DCP1A: variants seen among roughly 807,000 people sequenced by gnomAD.
DCP1A encodes decapping mRNA 1A.
DCP1A carries 20 observed loss-of-function variants against 58.0 expected under a neutral mutation model. The observed-to-expected ratio is 0.34, with a 90% CI of 0.24 to 0.50. The LOEUF (loss-of-function observed/expected upper bound fraction) is 0.50. Ranked by LOEUF, DCP1A falls within the 20% of genes least tolerant of loss-of-function variation. The probability of loss-of-function intolerance (pLI) is 0.98; values close to 1 mark genes in which losing one functional copy is unlikely to be tolerated. For synonymous variants in DCP1A, 285 were observed against 275.1 expected (o/e 1.04, Z -0.36); for missense variants, 613 against 712.2 (o/e 0.86, Z 1.59).
rs141983368 is a variant in DCP1A, at chr3:53,310,223, AGTTT to A, written c.510+2014_510+2017del. ...ATATTTTATTCCATAGTGTGAAAGAAGTTTATTTAAAACAGAAACTATCATGCTA... is the reference window on the plus strand; with the variant it reads ...ATATTTTATTCCATAGTGTGAAAGAAATTTAAAACAGAAACTATCATGCTA... On this transcript the variant is annotated intron_variant, in intron 5 of 9. Transcript: ENST00000610213. 9.5e-3 allele frequency among the ~76,000 whole-genome samples: 1,452 copies of A among 152,346 alleles called. 25 individuals carry two copies. Among genetic ancestry groups the A allele is most frequent in the African/African-American group, 0.033 (1,388 of 41,584 alleles).
At chr3:53,306,302 T>C (rs1234248188) in intron 5 of DCP1A, among the ~76,000 whole-genome samples, 3 of 152,240 alleles carry the variant, frequency 2.0e-5, no homozygotes, top group African/African-American at 7.2e-5. Flanking sequence ...TGCCTCTGTT[T>C]GCAACATCAC....
chr3:53,324,639 A>T (rs1273658583), intron 3 of DCP1A, among the ~76,000 whole-genome samples: 1 of 152,242 alleles, frequency 6.6e-6, no homozygotes, highest in African/African-American at 2.4e-5. Context: ...TCAAGATGAA[A>T]GAAACTACTT....
intron 3 of DCP1A, among the ~76,000 whole-genome samples, chr3:53,336,949 C>A (rs1443411556): frequency 6.6e-6 from 1 of 152,022 alleles, no homozygotes; most frequent in Non-Finnish European, 1.5e-5. Context: ...AGGCTCACTG[C>A]AACCTTCACT....
chr3:53,345,532 C>A (rs1480723025), intron 1 of DCP1A, among the ~76,000 whole-genome samples: 4 of 152,038 alleles, frequency 2.6e-5, no homozygotes, highest in African/African-American at 9.7e-5. Flanking sequence ...GAGGCCTTTA[C>A]CATAGTTCAT....
Position 53,290,702 on chromosome 3 carries a change from C to T in DCP1A, c.1449+89G>A, listed in dbSNP as rs1397862733. On this transcript the variant is annotated intron_variant, in intron 8 of 9. Coordinates refer to ENST00000610213, the MANE Select transcript of DCP1A (RefSeq NM_018403.7). ...TTCACAGCCAGTTACAGACCAAATT[C>T]CTTGTTCTACTCTTTCTACTTTCTC... 8 of 1,077,726 alleles carry T rather than the reference C, an allele frequency of 7.4e-6. No homozygotes were observed. The East Asian group carries it at 1.4e-4, about 19-fold the overall frequency. The allele number at this position is 1,077,726 out of a possible 1,614,324, so 66.8% of individuals were successfully genotyped here.
intron 2 of DCP1A, 49 bp from the exon 3 acceptor site, chr3:53,342,320 T>C (rs1553692625): frequency 2.2e-6 from 3 of 1,338,608 alleles, no homozygotes; most frequent in South Asian, 1.3e-5. Context: ...ATTTAATCTG[T>C]AGAAATGTTA....
At chr3:53,291,440 T>C (rs1347048086) in intron 7 of DCP1A, among the ~76,000 whole-genome samples, 1 of 152,028 alleles carries the variant, frequency 6.6e-6, no homozygotes, top group Non-Finnish European at 1.5e-5. Flanking sequence ...ATTTTTTTTT[T>C]TTTGTATGCA....
chr3:53,336,456 G>A (rs879952531), intron 3 of DCP1A, among the ~76,000 whole-genome samples: 5 of 152,052 alleles, frequency 3.3e-5, no homozygotes, highest in African/African-American at 1.2e-4. Context: ...TTTATAATCT[G>A]TATCTGGTAT....
At chr3:53,304,537 G>T (rs968191633) in intron 5 of DCP1A, among the ~76,000 whole-genome samples, 1 of 152,072 alleles carries the variant, frequency 6.6e-6, no homozygotes, top group South Asian at 2.1e-4. Flanking sequence ...TTAAGAAAAA[G>T]ATAATGGTAT....
chr3:53,322,367 T>G (rs1242128176), intron 3 of DCP1A, among the ~76,000 whole-genome samples: 6 of 151,660 alleles, frequency 4.0e-5, no homozygotes, highest in African/African-American at 1.2e-4. Flanking sequence ...CAGGAGACTC[T>G]CTTGAACTGG....
intron 1 of DCP1A, 30 bp downstream of exon 1, chr3:53,347,353 T>TGGCCGTCCTCAGGGCCAGGC (rs1553693260): frequency 5.9e-6 from 9 of 1,524,336 alleles, no homozygotes; most frequent in Non-Finnish European, 7.9e-6. Flanking sequence ...AGCGGCCGGG[T>TGGCCGTCCTCAGGGCCAGGC]GGCCGTCCTC....
intron 5 of DCP1A, among the ~76,000 whole-genome samples, chr3:53,309,499 C>T (rs1448891620): frequency 6.6e-6 from 1 of 152,168 alleles, no homozygotes; most frequent in Non-Finnish European, 1.5e-5. Flanking sequence ...GTGTCTCACA[C>T]CTATAATTCC....
At chr3:53,344,460 G>A (rs2089266521) in intron 2 of DCP1A, among the ~76,000 whole-genome samples, 1 of 152,176 alleles carries the variant, frequency 6.6e-6, no homozygotes, top group Non-Finnish European at 1.5e-5. Context: ...CAGAACTTCT[G>A]TGGGTTGGGA....
intron 6 of DCP1A, among the ~76,000 whole-genome samples, chr3:53,297,436 C>T (rs890401682): frequency 5.9e-5 from 9 of 151,440 alleles, no homozygotes; most frequent in Admixed American, 5.3e-4. Context: ...TCACGGCTCA[C>T]TGCAACCTCC....
At chr3:53,310,336 A>C (rs1553688523) in intron 5 of DCP1A, among the ~76,000 whole-genome samples, 1 of 152,198 alleles carries the variant, frequency 6.6e-6, no homozygotes, top group Non-Finnish European at 1.5e-5. Flanking sequence ...GTTCCTTTAA[A>C]GTTTTGTGTT....
Position 53,326,476 on chromosome 3 carries a change from G to A in DCP1A, c.305-7003C>T, listed in dbSNP as rs137916355. On this transcript the variant is annotated intron_variant, in intron 3 of 9. Transcript: ENST00000610213. ...CAGGGGTCCCCAACCTCAGGGTCAC[G>A]GATTGGTACTGGTCTGTGGCCTGTT... Among the ~76,000 whole-genome samples, 436 of 152,292 alleles carry A rather than the reference G, an allele frequency of 2.9e-3. 1 individual carries two copies. The highest frequency in any genetic ancestry group is 5.1e-3 in the Non-Finnish European group (344 of 68,022).
chr3:53,323,823 C>T (rs1553690290), intron 3 of DCP1A, among the ~76,000 whole-genome samples: 1 of 145,878 alleles, frequency 6.9e-6, no homozygotes, highest in Non-Finnish European at 1.5e-5. Context: ...GATCGCACCA[C>T]TGCACTCCAG....
intron 5 of DCP1A, among the ~76,000 whole-genome samples, chr3:53,310,218 AAAG>A (rs1553688515): frequency 1.3e-5 from 2 of 152,146 alleles, no homozygotes; most frequent in Non-Finnish European, 2.9e-5. Flanking sequence ...CCATAGTGTG[AAAG>A]AAGTTTATTT....
At chr3:53,335,121 A>G (rs879980117) in intron 3 of DCP1A, among the ~76,000 whole-genome samples, 3 of 149,830 alleles carry the variant, frequency 2.0e-5, no homozygotes, top group Admixed American at 6.6e-5. Context: ...GCATGTGTAT[A>G]TATATATATT....
Sources: gnomAD v4.1 joint callset for allele counts (sites outside exome capture counted in the v4.1 genomes callset) on GRCh38, gnomAD v4.1.1 for gene constraint, MANE v1.5 for transcripts, NCBI Gene and HGNC (gene_info 2026-07-23, HGNC 2026-07-21) for gene names.